The following PSTPIP2 variants were observed in gnomAD, a reference collection of about 807,000 sequenced individuals.
PSTPIP2 encodes proline-serine-threonine phosphatase interacting protein 2.
PSTPIP2 carries 33 observed loss-of-function variants against 63.3 expected under a neutral mutation model. That is an observed-to-expected ratio of 0.52 (90% CI 0.40 to 0.70). The LOEUF (loss-of-function observed/expected upper bound fraction) is 0.70. PSTPIP2 is among the 30% of genes least tolerant of loss of function. PSTPIP2 has a pLI of 0.00. For missense variants in PSTPIP2, 312 were observed against 400.7 expected (o/e 0.78, Z 1.89); for synonymous variants, 125 against 132.7 (o/e 0.94, Z 0.40).
intron 1 of PSTPIP2, among the ~76,000 whole-genome samples, chr18:46,064,847 A>G (rs1909124075): frequency 6.6e-6 from 1 of 152,072 alleles, no homozygotes; most frequent in South Asian, 2.1e-4. Flanking sequence ...CACATTCTTT[A>G]TTATAGAAAA....
intron 5 of PSTPIP2, among the ~76,000 whole-genome samples, chr18:46,008,412 A>C (rs563290465): frequency 1.2e-3 from 135 of 109,052 alleles, no homozygotes; most frequent in Non-Finnish European, 2.0e-3. Context: ...CCCGGTTTCA[A>C]GCAATTCTCC....
intron 1 of PSTPIP2, among the ~76,000 whole-genome samples, chr18:46,055,715 T>C (rs1182271865): frequency 6.6e-6 from 1 of 152,224 alleles, no homozygotes; most frequent in Non-Finnish European, 1.5e-5. Context: ...TAAATGCTCA[T>C]TTCCTGCACC....
At chr18:46,055,617 C>A (rs573455155) in intron 1 of PSTPIP2, among the ~76,000 whole-genome samples, 2 of 152,206 alleles carry the variant, frequency 1.3e-5, no homozygotes, top group East Asian at 3.8e-4. Context: ...CTGTGCCCAG[C>A]CAGTGCCAAC....
intron 1 of PSTPIP2, among the ~76,000 whole-genome samples, chr18:46,045,111 G>C (rs575626522): frequency 6.6e-6 from 1 of 152,178 alleles, no homozygotes; most frequent in Non-Finnish European, 1.5e-5. Context: ...CGATTCCTCA[G>C]GGATCTAGAA....
intron 5 of PSTPIP2, among the ~76,000 whole-genome samples, chr18:46,008,196 G>C (rs558998372): frequency 6.6e-6 from 1 of 152,358 alleles, no homozygotes; most frequent in East Asian, 1.9e-4. Flanking sequence ...AAAGGCAAGA[G>C]AGGGAGAAAG....
At chr18:46,047,844 G>C (rs1244285318) in intron 1 of PSTPIP2, among the ~76,000 whole-genome samples, 1 of 152,182 alleles carries the variant, frequency 6.6e-6, no homozygotes, top group Non-Finnish European at 1.5e-5. Context: ...AATGGATTTA[G>C]TATTCATTTG....
intron 6 of PSTPIP2, among the ~76,000 whole-genome samples, chr18:46,004,412 A>C (rs528724107): frequency 6.6e-6 from 1 of 152,368 alleles, no homozygotes; most frequent in East Asian, 1.9e-4. Flanking sequence ...AGCTAGAGAG[A>C]GATTTCTAGC....
At chr18:46,030,127 G>A (rs1247977919) in intron 2 of PSTPIP2, among the ~76,000 whole-genome samples, 1 of 151,974 alleles carries the variant, frequency 6.6e-6, no homozygotes, top group African/African-American at 2.4e-5. Context: ...AAAAAGAAAA[G>A]AAAGAAAAGA....
At chr18:46,072,048 G>C in intron 1 of PSTPIP2, 108 bp downstream of exon 1, 3 of 1,339,290 alleles carry the variant, frequency 2.2e-6, no homozygotes, top group Non-Finnish European at 2.9e-6. Flanking sequence ...CCGGGCGCGC[G>C]GTCACCGAGT....
intron 8 of PSTPIP2, 71 bp from the exon 9 acceptor site, chr18:45,997,899 G>T (rs10468858): frequency 1.5e-6 from 2 of 1,347,888 alleles, no homozygotes; most frequent in Non-Finnish European, 2.1e-6. Flanking sequence ...CCCACAGGCT[G>T]GTCTCAGATG....
At chr18:46,012,751 A>AGTG (rs2051813562) in intron 4 of PSTPIP2, among the ~76,000 whole-genome samples, 3 of 152,232 alleles carry the variant, frequency 2.0e-5, no homozygotes, top group African/African-American at 7.2e-5. Flanking sequence ...TCAGCCTGGC[A>AGTG]ACAGAGCGAG....
chr18:46,011,357 A>T, intron 4 of PSTPIP2, 70 bp from the exon 5 acceptor site: 1 of 1,215,808 alleles, frequency 8.2e-7, no homozygotes, highest in Non-Finnish European at 1.2e-6. Flanking sequence ...AAATCATACA[A>T]AATAAATATG....
intron 4 of PSTPIP2, 28 bp from the exon 5 acceptor site, chr18:46,011,315 A>T: frequency 6.6e-7 from 1 of 1,526,258 alleles, no homozygotes; most frequent in Non-Finnish European, 9.1e-7. Flanking sequence ...AAAAAAAATC[A>T]AGGTCTACAT....
rs544372775 is a variant in PSTPIP2 at position 45,999,614 on chromosome 18, T to A, written c.418-80A>T. 7.6e-6 allele frequency: 11 copies of A among 1,451,522 alleles called. No individual in the cohort carries two copies. In the South Asian group the frequency reaches 1.2e-4, roughly 15 times the overall value. The allele number at this position is 1,451,522 out of a possible 1,614,324, so 89.9% of individuals were successfully genotyped here. ...AATGCAGCCCCCTTGGCCCAGGAAG[T>A]CCAGCATGGACAGGGCCGTCTGATT... On this transcript the variant is annotated intron_variant, in intron 6 of 14. Transcript: ENST00000409746.
At chr18:46,007,052 T>C (rs866659018) in intron 5 of PSTPIP2, among the ~76,000 whole-genome samples, 1 of 152,178 alleles carries the variant, frequency 6.6e-6, no homozygotes. Flanking sequence ...AAAACCAAAC[T>C]GTAAACAACG....
chr18:46,021,837 A>C (rs959622771), intron 3 of PSTPIP2, among the ~76,000 whole-genome samples: 4 of 129,886 alleles, frequency 3.1e-5, no homozygotes, highest in Non-Finnish European at 4.7e-5. Flanking sequence ...CAACAAAGCG[A>C]GACTCTGTCT....
chr18:46,018,899 A>T (rs1476234115), intron 3 of PSTPIP2, among the ~76,000 whole-genome samples: 1 of 152,114 alleles, frequency 6.6e-6, no homozygotes, highest in African/African-American at 2.4e-5. Flanking sequence ...CCAGCATTTT[A>T]AGTGTTTTAC....
intron 10 of PSTPIP2, among the ~76,000 whole-genome samples, chr18:45,992,951 C>T (rs1428535172): frequency 2.0e-5 from 3 of 152,144 alleles, no homozygotes; most frequent in Non-Finnish European, 2.9e-5. Flanking sequence ...GTCTCGAACT[C>T]CTGACCACAG....
At chr18:46,061,970 T>C (rs952077208) in intron 1 of PSTPIP2, among the ~76,000 whole-genome samples, 1 of 152,186 alleles carries the variant, frequency 6.6e-6, no homozygotes, top group Non-Finnish European at 1.5e-5. Context: ...ACAGCTATTC[T>C]TTCAATAGTA....
Sources: allele counts gnomAD v4.1 joint callset (sites outside exome capture counted in the v4.1 genomes callset), GRCh38; gene constraint gnomAD v4.1.1; transcripts MANE v1.5; gene names NCBI Gene and HGNC (gene_info 2026-07-23, HGNC 2026-07-21).